The following BCL2 variants were observed in gnomAD, a reference collection of about 807,000 sequenced individuals.
The protein encoded by BCL2 is BCL2 apoptosis regulator.
BCL2 carries 1 observed loss-of-function variant against 14.2 expected under a neutral mutation model. The ratio of observed to expected loss-of-function variants is 0.07; its 90% CI spans 0.02 to 0.33. The LOEUF is 0.33. Ranked by LOEUF, BCL2 falls within the 10% of genes least tolerant of loss-of-function variation. The pLI is 0.99. For synonymous variants in BCL2, 151 were observed against 137.2 expected, an observed-to-expected ratio of 1.10 and a Z score of -0.70; for missense variants, 247 against 305.9, an observed-to-expected ratio of 0.81 and a Z score of 1.44.
chr18:63,169,309 TTC>T (rs1568222470), intron 2 of BCL2, among the ~76,000 whole-genome samples: 2 of 50,126 alleles, frequency 4.0e-5, no homozygotes, highest in South Asian at 7.6e-4. Flanking sequence ...TCTTTCTTTC[TTC>T]CTTCCTTCCT....
chr18:63,172,503 C>T (rs1459910644), intron 2 of BCL2, among the ~76,000 whole-genome samples: 6 of 152,094 alleles, frequency 3.9e-5, no homozygotes, highest in African/African-American at 9.7e-5. Flanking sequence ...AATTCCCGGC[C>T]GGGCGTGGTG....
chr18:63,301,729 A>G (rs2144284628), intron 2 of BCL2, among the ~76,000 whole-genome samples: 1 of 152,360 alleles, frequency 6.6e-6, no homozygotes, highest in Non-Finnish European at 1.5e-5. Flanking sequence ...AATCCCAAAG[A>G]GAACTGAGCT....
chr18:63,271,122 A>G (rs1911992222), intron 2 of BCL2, among the ~76,000 whole-genome samples: 1 of 152,252 alleles, frequency 6.6e-6, no homozygotes, highest in African/African-American at 2.4e-5. Context: ...GCGCCTGGCC[A>G]AAGAACCATA....
chr18:63,196,936 A>G (rs1007603998), intron 2 of BCL2, among the ~76,000 whole-genome samples: 1 of 152,124 alleles, frequency 6.6e-6, no homozygotes, highest in East Asian at 1.9e-4. Context: ...ATATGCATCA[A>G]TCAGAAATTC....
At chr18:63,288,006 C>G (rs1052787427) in intron 2 of BCL2, among the ~76,000 whole-genome samples, 2 of 152,128 alleles carry the variant, frequency 1.3e-5, no homozygotes, top group African/African-American at 2.4e-5. Flanking sequence ...ACAGAACAGA[C>G]ATAGATGAGC....
chr18:63,168,678 T>TG (rs531198924), intron 2 of BCL2, among the ~76,000 whole-genome samples: 25 of 152,316 alleles, frequency 1.6e-4, no homozygotes, highest in African/African-American at 6.0e-4. Context: ...TGTTTCCAAC[T>TG]GGGGGGAAAT....
chr18:63,287,621 AC>A (rs1250786965), intron 2 of BCL2, among the ~76,000 whole-genome samples: 1 of 152,192 alleles, frequency 6.6e-6, no homozygotes, highest in Non-Finnish European at 1.5e-5. Flanking sequence ...ACAAAGCTAC[AC>A]AAAAATGATG....
chr18:63,213,422 T>C (rs1910103405), intron 2 of BCL2, among the ~76,000 whole-genome samples: 1 of 152,054 alleles, frequency 6.6e-6, no homozygotes, highest in South Asian at 2.1e-4. Flanking sequence ...AAAGACTTCA[T>C]ACTTTAAGAA....
rs772156175 is a variant in BCL2 at position 63,318,274 on chromosome 18, G to T, written c.393C>A (p.Ala131=). 1 of 1,614,158 alleles carries T rather than the reference G, an allele frequency of 6.2e-7. No homozygotes were observed. Among genetic ancestry groups the T allele is most frequent in the Non-Finnish European group, 8.5e-7 (1 of 1,180,006 alleles). ...LTPFTARGRF[A]TVVEELFRDG... is the part of the protein sequence containing the mutation. ...CCCTGAAGAGCTCCTCCACCACCGT[G>T]GCAAAGCGTCCCCGCGCGGTGAAGG... The change falls in exon 2 of 3, where the codon GCC becomes GCA. Residue 131 remains alanine (A), a synonymous_variant. Coordinates refer to ENST00000333681, the MANE Select transcript of BCL2 (RefSeq NM_000633.3). This position sits in a 1 kb window ranked among gnomAD's most constrained non-coding sequence, Gnocchi z 7.4.
At chr18:63,206,552 G>A (rs1453002707) in intron 2 of BCL2, among the ~76,000 whole-genome samples, 1 of 152,216 alleles carries the variant, frequency 6.6e-6, no homozygotes, top group African/African-American at 2.4e-5. Flanking sequence ...CACATTTGGA[G>A]TCCCTGTGAG....
intron 2 of BCL2, among the ~76,000 whole-genome samples, chr18:63,270,604 GATTCTGCGGAAAGGA>G (rs1911978233): frequency 6.6e-6 from 1 of 152,168 alleles, no homozygotes; most frequent in Non-Finnish European, 1.5e-5. Context: ...TGACAACATA[GATTCTGCGGAAAGGA>G]AACCCTTTTC....
chr18:63,141,510 C>G (rs1568214126), intron 2 of BCL2, among the ~76,000 whole-genome samples: 1 of 152,190 alleles, frequency 6.6e-6, no homozygotes, highest in Admixed American at 6.5e-5. Flanking sequence ...AGACCCCAAC[C>G]CCCATATGCC....
chr18:63,254,754 C>G (rs1387504159), intron 2 of BCL2, among the ~76,000 whole-genome samples: 1 of 152,090 alleles, frequency 6.6e-6, no homozygotes, highest in Non-Finnish European at 1.5e-5. Flanking sequence ...GTTGTACTGT[C>G]CTTGTTCTTC....
chr18:63,259,547 T>C (rs1490002710), intron 2 of BCL2, among the ~76,000 whole-genome samples: 1 of 152,272 alleles, frequency 6.6e-6, no homozygotes, highest in African/African-American at 2.4e-5. Context: ...AGCAGAATCC[T>C]GATGGCAGTC....
At chr18:63,242,026 T>C (rs1911018050) in intron 2 of BCL2, among the ~76,000 whole-genome samples, 1 of 152,212 alleles carries the variant, frequency 6.6e-6, no homozygotes, top group Non-Finnish European at 1.5e-5. Context: ...GCTGACATTT[T>C]GTGAGATGGG....
chr18:63,318,679 A>T lies in BCL2; in HGVS notation c.-13T>A. ...CAGCGTGCGCCATCCTTCCCAGAGG[A>T]AAAGCAACGGGGGCCAACGGCACCT... On this transcript the variant is annotated 5_prime_UTR_variant, in exon 2 of 3. Transcript: ENST00000333681. This position sits in a 1 kb window ranked among gnomAD's most constrained non-coding sequence, Gnocchi z 7.4. 1 of 1,612,156 alleles carries T rather than the reference A, an allele frequency of 6.2e-7. No homozygotes were observed. Among genetic ancestry groups the T allele is most frequent in the South Asian group, 1.1e-5 (1 of 91,034 alleles).
chr18:63,185,546 A>G (rs74466084), intron 2 of BCL2, among the ~76,000 whole-genome samples: 2,383 of 152,356 alleles, frequency 0.016, 57 homozygotes, highest in African/African-American at 0.054. Flanking sequence ...GTCACACTGT[A>G]AGATGTTTAT....
chr18:63,171,415 T>G (rs940540727), intron 2 of BCL2, among the ~76,000 whole-genome samples: 11 of 152,188 alleles, frequency 7.2e-5, no homozygotes, highest in African/African-American at 2.7e-4. Flanking sequence ...GGTTAGGAGA[T>G]CCTGATAAAC....
intron 2 of BCL2, chr18:63,302,536 G>T: frequency 1.0e-6 from 1 of 985,232 alleles, no homozygotes; most frequent in Non-Finnish European, 1.2e-6. Flanking sequence ...TTGTGCCCAG[G>T]GAAGATGTTG....
Sources: allele counts gnomAD v4.1 joint callset (sites outside exome capture counted in the v4.1 genomes callset), GRCh38; gene constraint gnomAD v4.1.1; non-coding constraint Gnocchi (gnomAD v3.1); transcripts MANE v1.5; gene names NCBI Gene and HGNC (gene_info 2026-07-23, HGNC 2026-07-21).